Variants in TDO2 observed in about 807,000 individuals in gnomAD.
The protein encoded by TDO2 is tryptamin 2,3-dioxygenase.
A neutral mutation model predicts 61.2 loss-of-function variants in TDO2; 63 were observed. That is an observed-to-expected ratio of 1.03 (90% CI 0.84 to 1.27). The LOEUF is 1.27. Ranked by LOEUF, TDO2 falls within the 50% of genes most tolerant of loss-of-function variation. The pLI is 0.00. For missense variants in TDO2, 494 were observed against 469.5 expected, an observed-to-expected ratio of 1.05 and a Z score of -0.48; for synonymous variants, 183 against 164.0, an observed-to-expected ratio of 1.12 and a Z score of -0.89.
chr4:155,913,724 T>A (rs1209457582), intron 7 of TDO2, among the ~76,000 whole-genome samples: 1 of 152,150 alleles, frequency 6.6e-6, no homozygotes, highest in Non-Finnish European at 1.5e-5. Context: ...GTGGTTCTGA[T>A]GAATTGGAAA....
chr4:155,910,008 A>C lies in TDO2; in HGVS notation c.432-17A>C, dbSNP rs1579327662. ...TTTCCCTTCCCTTGCCTTTCCTTCC[A>C]CCATTTAATCTCAAAGAGAGTACTT... On this transcript the variant is annotated splice_polypyrimidine_tract_variant and intron_variant, in intron 5 of 11. Coordinates refer to ENST00000536354, the MANE Select transcript of TDO2 (RefSeq NM_005651.4). 1.4e-6 allele frequency: 2 copies of C among 1,433,576 alleles called. No individual in the cohort carries two copies. The highest frequency in any genetic ancestry group is 1.6e-5 in the South Asian group (1 of 64,380). 88.8% of individuals were successfully genotyped at this position (1,433,576 alleles called of 1,614,324 possible).
intron 11 of TDO2, 55 bp from the exon 12 acceptor site, chr4:155,919,782 A>T: frequency 6.8e-7 from 1 of 1,477,844 alleles, no homozygotes; most frequent in Non-Finnish European, 9.1e-7. Flanking sequence ...CTAATTGAAA[A>T]ATTTAAATAT....
intron 6 of TDO2, among the ~76,000 whole-genome samples, chr4:155,911,075 G>A (rs551030873): frequency 7.8e-4 from 118 of 152,014 alleles, no homozygotes; most frequent in African/African-American, 2.7e-3. Flanking sequence ...AGAAGAGATC[G>A]TATCTTATAC....
In TDO2 at chr4:155,918,563, C is replaced by A. The variant is rs577230825; in HGVS notation, c.1067+324C>A. On this transcript the variant is annotated intron_variant, in intron 11 of 11. Transcript: ENST00000536354. ...CATTGTGACTCAAGTTTTGACCAGA[C>A]TAAAACATTTATCATTAATTCTACT... 3.9e-5 allele frequency among the ~76,000 whole-genome samples: 6 copies of A among 152,320 alleles called. No homozygotes were observed. The East Asian group carries it at 7.7e-4, about 20-fold the overall frequency.
At chr4:155,903,873 G>C in intron 1 of TDO2, 80 bp downstream of exon 1, 2 of 1,574,892 alleles carry the variant, frequency 1.3e-6, no homozygotes, top group Non-Finnish European at 1.7e-6. Flanking sequence ...TGAATTTAAG[G>C]AGCATTGAAA....
At chr4:155,905,797 C>T (rs1742708154) in intron 3 of TDO2, 2 of 152,146 alleles carry the variant, frequency 1.3e-5, no homozygotes, top group Non-Finnish European at 1.5e-5. Flanking sequence ...GGAGCCCAAT[C>T]ACTGTTGCCT....
chr4:155,912,834 C>T (rs1315048005), intron 7 of TDO2, among the ~76,000 whole-genome samples: 1 of 152,086 alleles, frequency 6.6e-6, no homozygotes, highest in Non-Finnish European at 1.5e-5. Flanking sequence ...CAAAAACACA[C>T]CAATAAAACC....
chr4:155,919,711 C>T, intron 11 of TDO2, 126 bp from the exon 12 acceptor site: 1 of 741,878 alleles, frequency 1.3e-6, no homozygotes, highest in Non-Finnish European at 2.1e-6. Flanking sequence ...ATATATACAA[C>T]ATGCAATATA....
chr4:155,909,476 GA>G (rs1742778425), intron 5 of TDO2, among the ~76,000 whole-genome samples: 1 of 152,044 alleles, frequency 6.6e-6, no homozygotes, highest in African/African-American at 2.4e-5. Context: ...AATGTGAGAA[GA>G]AAAAAGTTTA....
At chr4:155,906,527 T>G (rs1349683424) in intron 3 of TDO2, 1 of 152,166 alleles carries the variant, frequency 6.6e-6, no homozygotes, top group African/African-American at 2.4e-5. Context: ...ATTATTGACT[T>G]CCTGTGTCAT....
chr4:155,907,507 A>C (rs902030622), intron 3 of TDO2: 4 of 493,290 alleles, frequency 8.1e-6, no homozygotes, highest in African/African-American at 6.0e-5. Flanking sequence ...AGCATTAGGT[A>C]ACATGTCTAG....
intron 9 of TDO2, among the ~76,000 whole-genome samples, chr4:155,916,989 A>G (rs1488502178): frequency 6.6e-6 from 1 of 151,398 alleles, no homozygotes; most frequent in Non-Finnish European, 1.5e-5. Context: ...AACAAAAAAA[A>G]CAAAACAAAA....
rs763126496 is a variant in TDO2, at chr4:155,911,516, C to T, written c.638C>T (p.Pro213Leu). ...ELVEAWLERT[P>L]GLEPHGFNFW... ...TTTAAGGCATGGCTGGAAAGAACTC[C>T]AGGTTTAGAGCCACATGGATTTAAC... The change falls in exon 7 of 12, where the codon CCA becomes CTA. Residue 213 changes from proline to leucine, a missense_variant. Transcript: ENST00000536354. 8.2e-6 allele frequency: 13 copies of T among 1,582,836 alleles called. No homozygotes were observed. In the South Asian group the frequency reaches 1.5e-4, roughly 18 times the overall value.
chr4:155,912,857 T>C (rs2110877004), intron 7 of TDO2, among the ~76,000 whole-genome samples: 1 of 152,234 alleles, frequency 6.6e-6, no homozygotes, highest in Non-Finnish European at 1.5e-5. Context: ...ACTTGAACAT[T>C]TCCCCTTCCA....
At position 155,911,605 on chromosome 4, in the gene TDO2, G is replaced by T. The variant is rs774649032; in HGVS notation, c.726+1G>T. 3 of 1,504,144 alleles carry T rather than the reference G, an allele frequency of 2.0e-6. No homozygotes were observed. The South Asian group carries it at 3.8e-5, about 19-fold the overall frequency. 93.2% of individuals were successfully genotyped at this position (1,504,144 alleles called of 1,614,324 possible). A position where few individuals can be genotyped will look rare whatever the true frequency, so the allele number is the denominator to read the frequency against. ...GGAAGAGGAATTCATAAGGATTCAG[G>T]TATTTAGATGACATGAGTTAATATA... is the stretch of plus-strand genomic sequence containing the variant. On this transcript the variant is annotated splice_donor_variant, in intron 7 of 11. Coordinates refer to ENST00000536354, the MANE Select transcript of TDO2 (RefSeq NM_005651.4). LOFTEE classifies it high-confidence loss of function.
chr4:155,904,274 G>T lies in TDO2; in HGVS notation c.141+151G>T. Reference sequence around the variant, plus strand: ...TATTTTTATTCATAAACACTTTTACGTTTTCAACTTTTGTTAGAATAATTC... The same window carrying T: ...TATTTTTATTCATAAACACTTTTACTTTTTCAACTTTTGTTAGAATAATTC... On this transcript the variant is annotated intron_variant, in intron 2 of 11. Transcript: ENST00000536354. 1.1e-5 allele frequency: 7 copies of T among 622,132 alleles called. No individual in the cohort carries two copies. The South Asian group carries it at 1.6e-4, about 14-fold the overall frequency. 38.5% of individuals were successfully genotyped at this position (622,132 alleles called of 1,614,324 possible).
chr4:155,917,975 G>A lies in TDO2; in HGVS notation c.977-174G>A, dbSNP rs544573164. Among the ~76,000 whole-genome samples, 10 of 152,262 alleles carry A rather than the reference G, an allele frequency of 6.6e-5. No homozygotes were observed. The South Asian group carries it at 1.2e-3, about 19-fold the overall frequency. ...GCATGTAGCCTGAAGCAAGTGGAGC[G>A]CTAGGCAACCTCACAGTCTCATCTG... On this transcript the variant is annotated intron_variant, in intron 10 of 11. Coordinates refer to ENST00000536354, the MANE Select transcript of TDO2 (RefSeq NM_005651.4).
At chr4:155,916,790 T>A (rs1031293177) in intron 9 of TDO2, among the ~76,000 whole-genome samples, 4 of 152,196 alleles carry the variant, frequency 2.6e-5, no homozygotes, top group Non-Finnish European at 5.9e-5. Flanking sequence ...CAGGCCGTCA[T>A]GCTTCTGTGT....
At chr4:155,917,321 G>A (rs1229107949) in intron 9 of TDO2, 74 bp from the exon 10 acceptor site, 20 of 1,266,458 alleles carry the variant, frequency 1.6e-5, no homozygotes, top group Non-Finnish European at 2.1e-5. Context: ...CCAACTGATT[G>A]TCAAACTCAT....
Sources: allele counts gnomAD v4.1 joint callset (sites outside exome capture counted in the v4.1 genomes callset), GRCh38; gene constraint gnomAD v4.1.1; transcripts MANE v1.5; gene names NCBI Gene and HGNC (gene_info 2026-07-23, HGNC 2026-07-21).